The following UQCRC2 variants were observed in gnomAD, a reference collection of about 807,000 sequenced individuals.
The protein encoded by UQCRC2 is cytochrome b-c1 complex subunit 2, mitochondrial.
UQCRC2 carries 49 observed loss-of-function variants against 55.6 expected under a neutral mutation model. The observed-to-expected ratio is 0.88, with a 90% CI of 0.70 to 1.12. UQCRC2 has a LOEUF of 1.12. Ranked by LOEUF, UQCRC2 falls within the 50% of genes most tolerant of loss-of-function variation. The pLI is 0.00. For synonymous variants in UQCRC2, 193 were observed against 192.0 expected, an observed-to-expected ratio of 1.01 and a Z score of -0.04; for missense variants, 506 against 547.8, an observed-to-expected ratio of 0.92 and a Z score of 0.76.
At chr16:21,957,618 C>G in intron 3 of UQCRC2, 52 bp downstream of exon 3, 1 of 1,580,084 alleles carries the variant, frequency 6.3e-7, no homozygotes, top group Non-Finnish European at 8.6e-7. Context: ...TATCTTGGTC[C>G]TGTGAAAAAG....
intron 3 of UQCRC2, 119 bp from the exon 4 acceptor site, chr16:21,958,416 G>T: frequency 1.2e-6 from 1 of 845,012 alleles, no homozygotes; most frequent in Non-Finnish European, 1.9e-6. Flanking sequence ...AACTAAAAAG[G>T]ATGCAGGAAT....
intron 10 of UQCRC2, among the ~76,000 whole-genome samples, chr16:21,972,628 A>G (rs1326022144): frequency 3.9e-5 from 6 of 152,320 alleles, no homozygotes; most frequent in African/African-American, 1.4e-4. Flanking sequence ...AAATCCCAGC[A>G]CTCTGAGAGG....
In UQCRC2 at chr16:21,980,538, A is replaced by G; in HGVS notation, c.1125-9A>G. On this transcript the variant is annotated splice_polypyrimidine_tract_variant and intron_variant, in intron 12 of 13. Transcript: ENST00000268379. The stretch of plus-strand genomic sequence containing the variant: ...TCTCTAAAACTGACTTCTGCCTTTT[A>G]TTGGACAGGAACAAGCTGAAAGCTG... 5.0e-6 allele frequency: 8 copies of G among 1,609,088 alleles called. No individual in the cohort carries two copies. The highest frequency in any genetic ancestry group is 6.8e-6 in the Non-Finnish European group (8 of 1,178,498).
At chr16:21,956,752 T>TA (rs1167114970) in intron 1 of UQCRC2, among the ~76,000 whole-genome samples, 1 of 152,090 alleles carries the variant, frequency 6.6e-6, no homozygotes, top group East Asian at 1.9e-4. Flanking sequence ...ACTGGTGGGT[T>TA]AGTAAGTCCA....
intron 7 of UQCRC2, among the ~76,000 whole-genome samples, chr16:21,965,890 C>T (rs1898313078): frequency 6.6e-6 from 1 of 152,116 alleles, no homozygotes; most frequent in South Asian, 2.1e-4. Flanking sequence ...TGCTGTGTTG[C>T]CTAGGCTGGT....
chr16:21,968,755 G>A, intron 8 of UQCRC2, 70 bp downstream of exon 8: 1 of 1,424,022 alleles, frequency 7.0e-7, no homozygotes, highest in Non-Finnish European at 9.5e-7. Flanking sequence ...GTAATTACGT[G>A]AACATAGGAT....
chr16:21,961,663 TATATA>T (rs1465801889), intron 4 of UQCRC2, among the ~76,000 whole-genome samples: 1 of 113,286 alleles, frequency 8.8e-6, no homozygotes, highest in Admixed American at 8.9e-5. Flanking sequence ...TATATATATA[TATATA>T]TTTTAGACAG....
chr16:21,953,549 T>G, intron 1 of UQCRC2, 93 bp downstream of exon 1: 1 of 1,497,554 alleles, frequency 6.7e-7, no homozygotes, highest in Non-Finnish European at 9.0e-7. Flanking sequence ...GGTCTGGGCC[T>G]TGGGATTCGG....
intron 12 of UQCRC2, among the ~76,000 whole-genome samples, chr16:21,977,654 C>G (rs955105922): frequency 2.0e-5 from 3 of 152,166 alleles, no homozygotes; most frequent in African/African-American, 7.2e-5. Flanking sequence ...GGAAATCAAC[C>G]TGCATTTTCA....
intron 11 of UQCRC2, among the ~76,000 whole-genome samples, chr16:21,975,867 G>A (rs1014508643): frequency 6.6e-6 from 1 of 152,114 alleles, no homozygotes; most frequent in African/African-American, 2.4e-5. Flanking sequence ...AAGGTGGGAG[G>A]ATCACTTGAG....
In UQCRC2 at chr16:21,968,648, C is replaced by G. The variant is rs1898385378; in HGVS notation, c.633C>G (p.Asn211Lys). 1.9e-6 allele frequency: 3 copies of G among 1,608,884 alleles called. No homozygotes were observed. In the South Asian group the frequency reaches 3.3e-5, roughly 18 times the overall value. The change falls in exon 8 of 14, where the codon AAC becomes AAG. Residue 211 changes from asparagine (N) to lysine (K), a missense_variant. Coordinates refer to ENST00000268379, the MANE Select transcript of UQCRC2 (RefSeq NM_003366.4). ...CTCAGTTACATTACTTCGTTCAGAA[C>G]CATTTCACAAGTGCAAGAATGGCTT... ...TSEELHYFVQ[N>K]HFTSARMALI...
At chr16:21,982,222 C>T (rs1032004712) in intron 13 of UQCRC2, among the ~76,000 whole-genome samples, 3 of 151,994 alleles carry the variant, frequency 2.0e-5, no homozygotes, top group Admixed American at 6.6e-5. Context: ...CCACCACCAC[C>T]TCTCCTTCAT....
chr16:21,966,267 T>C (rs1401179980), intron 7 of UQCRC2, among the ~76,000 whole-genome samples: 1 of 152,134 alleles, frequency 6.6e-6, no homozygotes, highest in Non-Finnish European at 1.5e-5. Context: ...CTTCCTTAGC[T>C]CCTGTTCCAT....
At chr16:21,961,230 G>T in intron 4 of UQCRC2, 1 of 350,942 alleles carries the variant, frequency 2.8e-6, no homozygotes, top group Non-Finnish European at 5.9e-6. Context: ...AAAGAATCAA[G>T]GAATATCTGG....
In UQCRC2 at chr16:21,972,036, G is replaced by A. The variant is rs140319297; in HGVS notation, c.880G>A (p.Gly294Ser). Residue 294 changes from glycine (G) to serine (S), a missense_variant, in exon 10 of 14, where the codon GGT becomes AGT. Physicochemically the swap from Gly to Ser is moderately conservative, Grantham distance 56 (BLOSUM62 0). Transcript: ENST00000268379. The part of the protein sequence containing the change: ...NAFSVLQHVL[G>S]AGPHVKRGSN... ...ATTTAGTGTTCTTCAGCATGTCCTC[G>A]GTGCTGGGCCACATGTCAAGAGGGG... 4 of 1,614,136 alleles carry A rather than the reference G, an allele frequency of 2.5e-6. No homozygotes were observed. Among genetic ancestry groups the A allele is most frequent in the South Asian group, 2.2e-5 (2 of 91,074 alleles).
Position 21,973,839 on chromosome 16 carries a change from A to G in UQCRC2, c.967-57A>G, listed in dbSNP as rs1271890811. ...GTTTTTTCTAGGCAAACTTAAAGAAATCGTGCCCTGTTTTACTTGGTAGAA... is the reference window on the plus strand; with the variant it reads ...GTTTTTTCTAGGCAAACTTAAAGAAGTCGTGCCCTGTTTTACTTGGTAGAA... On this transcript the variant is annotated intron_variant, in intron 10 of 13. Transcript: ENST00000268379. The G allele has an allele frequency of 9.8e-6, 15 of 1,526,270 alleles. No homozygotes were observed. In the Admixed American group the frequency reaches 2.8e-4, roughly 29 times the overall value. The allele number at this position is 1,526,270 out of a possible 1,614,324, so 94.5% of individuals were successfully genotyped here. A position where few individuals can be genotyped will look rare whatever the true frequency, so the allele number is the denominator to read the frequency against.
intron 13 of UQCRC2, 66 bp downstream of exon 13, chr16:21,980,766 G>T: frequency 6.3e-7 from 1 of 1,576,064 alleles, no homozygotes. Flanking sequence ...AATTTCAGAA[G>T]GATGCATAAG....
In UQCRC2 at chr16:21,981,884, A is replaced by G. The variant is rs1233424651; in HGVS notation, c.1278+1184A>G. On this transcript the variant is annotated intron_variant, in intron 13 of 13. Transcript: ENST00000268379. ...GAGACGGAGTCTTGCTCTGTTGCCC[A>G]GGCTGGAGTGCAGTGGCGCGATCTC... 3.4e-5 allele frequency among the ~76,000 whole-genome samples: 5 copies of G among 146,368 alleles called. No individual in the cohort carries two copies. The East Asian group carries it at 1.0e-3, about 30-fold the overall frequency.
intron 10 of UQCRC2, 50 bp from the exon 11 acceptor site, chr16:21,973,846 C>A: frequency 6.5e-7 from 1 of 1,547,342 alleles, no homozygotes; most frequent in Non-Finnish European, 8.8e-7. Flanking sequence ...GAAATCGTGC[C>A]CTGTTTTACT....
Sources: gnomAD v4.1 joint callset for allele counts (sites outside exome capture counted in the v4.1 genomes callset) on GRCh38, gnomAD v4.1.1 for gene constraint, MANE v1.5 for transcripts, NCBI Gene and HGNC (gene_info 2026-07-23, HGNC 2026-07-21) for gene names.